Variants in CAT observed in about 807,000 individuals in gnomAD.
The protein encoded by CAT is catalase.
In CAT, 43 loss-of-function variants were observed where a neutral mutation model predicts 59.0. The ratio of observed to expected loss-of-function variants is 0.73; its 90% CI spans 0.57 to 0.94. The LOEUF (loss-of-function observed/expected upper bound fraction) is 0.94, where lower values mean the gene tolerates loss of function less well. Among genes scored for constraint, CAT ranks in the 40% least tolerant of loss-of-function variants. The pLI is 0.00. For synonymous variants in CAT, 218 were observed against 230.9 expected, an observed-to-expected ratio of 0.94 and a Z score of 0.51; for missense variants, 664 against 682.9, an observed-to-expected ratio of 0.97 and a Z score of 0.31.
chr11:34,445,361 T>C (rs1009939879), intron 1 of CAT, among the ~76,000 whole-genome samples: 1 of 151,008 alleles, frequency 6.6e-6, no homozygotes, highest in Non-Finnish European at 1.5e-5. Context: ...GGTGTGGTGG[T>C]GGTCGCCTGT....
intron 8 of CAT, among the ~76,000 whole-genome samples, chr11:34,459,637 G>A (rs1856627525): frequency 6.6e-6 from 1 of 152,174 alleles, no homozygotes; most frequent in South Asian, 2.1e-4. Flanking sequence ...AGGGCCTTGG[G>A]GAAGGCCTAG....
At chr11:34,462,027 G>T (rs975523488) in intron 9 of CAT, among the ~76,000 whole-genome samples, 1 of 152,140 alleles carries the variant, frequency 6.6e-6, no homozygotes, top group Non-Finnish European at 1.5e-5. Flanking sequence ...TCAAACTTAG[G>T]ATCTTTTTCT....
chr11:34,463,894 T>C (rs1282708237), intron 9 of CAT, among the ~76,000 whole-genome samples: 1 of 152,206 alleles, frequency 6.6e-6, no homozygotes, highest in Admixed American at 6.5e-5. Flanking sequence ...TGCAAGCATT[T>C]AGCAGATGGC....
chr11:34,446,787 G>T (rs977795098), intron 1 of CAT, among the ~76,000 whole-genome samples: 2 of 151,706 alleles, frequency 1.3e-5, no homozygotes, highest in African/African-American at 4.9e-5. Flanking sequence ...TGTTGCCCAG[G>T]CTGGAGTGCA....
intron 1 of CAT, 36 bp from the exon 2 acceptor site, chr11:34,449,156 C>T: frequency 6.3e-7 from 1 of 1,589,394 alleles, no homozygotes; most frequent in Non-Finnish European, 8.6e-7. Context: ...TTTGATTGTG[C>T]TAACTCTCCT....
rs987719049 is a variant in CAT at position 34,449,245 on chromosome 11, T to C, written c.120T>C (p.Asn40=). 1 of 1,614,036 alleles carries C rather than the reference T, an allele frequency of 6.2e-7. No homozygotes were observed. The highest frequency in any genetic ancestry group is 1.3e-5 in the African/African-American group (1 of 74,948). The change falls in exon 2 of 13, where the codon AAT becomes AAC. Residue 40 remains asparagine, a synonymous_variant. Transcript: ENST00000241052. ...GAGNPVGDKL[N]VITVGPRGPL... is the part of the protein sequence containing the mutation. ...GTAACCCAGTAGGAGACAAACTTAA[T>C]GTTATTACAGTAGGGCCCCGTGGGC...
chr11:34,456,978 C>CAATA, intron 8 of CAT, 161 bp downstream of exon 8: 1 of 737,970 alleles, frequency 1.4e-6, no homozygotes. Flanking sequence ...CTGAGGTGAA[C>CAATA]TATTCTTCAA....
At chr11:34,468,201 T>C (rs562472689) in intron 10 of CAT, 87 bp from the exon 11 acceptor site, 3 of 936,480 alleles carry the variant, frequency 3.2e-6, no homozygotes, top group African/African-American at 1.6e-5. Flanking sequence ...TTTTTTATCA[T>C]TGATTTCCTA....
chr11:34,464,114 CA>C lies in CAT; in HGVS notation c.1208del (p.Asn403IlefsTer46). 2 of 1,614,120 alleles carry C rather than the reference CA, an allele frequency of 1.2e-6. No individual in the cohort carries two copies. The highest frequency in any genetic ancestry group is 1.6e-4 in the Middle Eastern group (1 of 6,062). ...TGGTTTTGTTTTGAAGGTGGTGCTC[CA>C]AATTACTACCCCAACAGCTTTGGTG... ...MCMQDNQGGA[P>X]NYYPNSFGAP... On this transcript the variant is annotated frameshift_variant, in exon 10 of 13. Transcript: ENST00000241052. LOFTEE classifies it high-confidence loss of function.
At chr11:34,439,490 A>G (rs1259017260) in intron 1 of CAT, among the ~76,000 whole-genome samples, 1 of 152,090 alleles carries the variant, frequency 6.6e-6, no homozygotes, top group African/African-American at 2.4e-5. Context: ...ACGCTTTCAT[A>G]GTTGTGGGGT....
chr11:34,452,949 A>T (rs1313428033), intron 4 of CAT, 141 bp from the exon 5 acceptor site: 2 of 667,144 alleles, frequency 3.0e-6, no homozygotes, highest in East Asian at 5.2e-5. Context: ...TAAATTTCAT[A>T]TTATGGTTTG....
chr11:34,454,640 C>A (rs1013015224), intron 6 of CAT, among the ~76,000 whole-genome samples: 1 of 152,180 alleles, frequency 6.6e-6, no homozygotes, highest in African/African-American at 2.4e-5. Flanking sequence ...GTAGGTATAT[C>A]AAACAGGAAA....
Position 34,442,303 on chromosome 11 carries a change from A to G in CAT, c.66+3224A>G, listed in dbSNP as rs149727193. 1.9e-3 allele frequency among the ~76,000 whole-genome samples: 289 copies of G among 152,304 alleles called. 2 individuals are homozygous for G. Among genetic ancestry groups the G allele is most frequent in the African/African-American group, 6.5e-3 (271 of 41,560 alleles). On this transcript the variant is annotated intron_variant, in intron 1 of 12. Coordinates refer to ENST00000241052, the MANE Select transcript of CAT (RefSeq NM_001752.4). ...AAATCTCAACATGTATCATGGTATA[A>G]ACATATTAGAAATTTATGGCCGGGT... is the stretch of plus-strand genomic sequence containing the variant.
chr11:34,441,323 T>G (rs1336334257), intron 1 of CAT, among the ~76,000 whole-genome samples: 4 of 152,274 alleles, frequency 2.6e-5, no homozygotes, highest in Non-Finnish European at 5.9e-5. Context: ...CATTTTGCCC[T>G]GTGTCTTTTA....
chr11:34,456,188 T>G lies in CAT; in HGVS notation c.889T>G (p.Phe297Val). 6.2e-7 allele frequency: 1 copy of G among 1,613,646 alleles called. No homozygotes were observed. The highest frequency in any genetic ancestry group is 8.5e-7 in the Non-Finnish European group (1 of 1,179,670). Residue 297 changes from phenylalanine to valine, a missense_variant, in exon 7 of 13, where the codon TTC becomes GTC. Phe to Val is a conservative substitution (Grantham distance 50). Coordinates refer to ENST00000241052, the MANE Select transcript of CAT (RefSeq NM_001752.4). The stretch of plus-strand genomic sequence containing the variant: ...GGCAGAAACTTTTCCATTTAATCCA[T>G]TCGATCTCACCAAGGTGAGTCAGTA... ...NQAETFPFNPFDLTKVWPHKD... is the reference protein window; with the variant it reads ...NQAETFPFNPVDLTKVWPHKD...
At position 34,468,961 on chromosome 11, in the gene CAT, C is replaced by T. The variant is rs1457181466; in HGVS notation, c.1434+566C>T. 4.6e-5 allele frequency among the ~76,000 whole-genome samples: 7 copies of T among 152,300 alleles called. No individual in the cohort carries two copies. In the East Asian group the frequency reaches 1.3e-3, roughly 29 times the overall value. ...TAAAACCTGCCTAAAGGCTTAATGTCATAATACCTCGATCCTCCTTCAGAT... is the reference window on the plus strand; with the variant it reads ...TAAAACCTGCCTAAAGGCTTAATGTTATAATACCTCGATCCTCCTTCAGAT... On this transcript the variant is annotated intron_variant, in intron 11 of 12. Transcript: ENST00000241052.
At chr11:34,440,591 C>G (rs1856377504) in intron 1 of CAT, among the ~76,000 whole-genome samples, 1 of 147,856 alleles carries the variant, frequency 6.8e-6, no homozygotes, top group Non-Finnish European at 1.5e-5. Context: ...GAGACGGAGT[C>G]TTGCTCTGTT....
In CAT at chr11:34,453,184, C is replaced by T; in HGVS notation, c.575C>T (p.Ser192Phe). Residue 192 changes from serine (S) to phenylalanine (F), a missense_variant, in exon 5 of 13, where the codon TCT (serine) becomes TTT (phenylalanine). By Grantham distance (155) the Ser-to-Phe change is radical. Coordinates refer to ENST00000241052, the MANE Select transcript of CAT (RefSeq NM_001752.4). ...VWDFWSLRPE[S>F]LHQVSFLFSD... Reference sequence around the variant, plus strand: ...GACTTCTGGAGCCTACGTCCTGAGTCTCTGCATCAGGTATGAACCCTTTTT... The same window carrying T: ...GACTTCTGGAGCCTACGTCCTGAGTTTCTGCATCAGGTATGAACCCTTTTT... 1.2e-6 allele frequency: 2 copies of T among 1,603,746 alleles called. No individual in the cohort carries two copies. Among genetic ancestry groups the T allele is most frequent in the African/African-American group, 1.3e-5 (1 of 74,822 alleles).
At chr11:34,442,891 C>A (rs1856407916) in intron 1 of CAT, among the ~76,000 whole-genome samples, 1 of 152,128 alleles carries the variant, frequency 6.6e-6, no homozygotes, top group African/African-American at 2.4e-5. Flanking sequence ...GGTAGTCTAC[C>A]CCCTGTCCAG....
Sources: gnomAD v4.1 joint callset for allele counts (sites outside exome capture counted in the v4.1 genomes callset) on GRCh38, gnomAD v4.1.1 for gene constraint, MANE v1.5 for transcripts, NCBI Gene and HGNC (gene_info 2026-07-23, HGNC 2026-07-21) for gene names.